Variants in COBLL1 observed in about 807,000 individuals in gnomAD.
COBLL1 encodes cordon-bleu WH2 repeat protein like 1, also known as cordon-bleu protein-like 1.
Under a neutral mutation model 94.8 loss-of-function variants are expected in COBLL1, and 50 were observed. The observed-to-expected ratio is 0.53, with a 90% CI of 0.42 to 0.67. The LOEUF is 0.67. Among genes scored for constraint, COBLL1 ranks in the 30% least tolerant of loss-of-function variants. COBLL1 has a pLI of 0.00. For synonymous variants in COBLL1, 448 were observed against 473.8 expected (o/e 0.95, Z 0.71); for missense variants, 1,362 against 1,348.7 (o/e 1.01, Z -0.15).
chr2:164,758,909 A>G (rs1687545009), intron 2 of COBLL1, among the ~76,000 whole-genome samples: 1 of 152,168 alleles, frequency 6.6e-6, no homozygotes, highest in African/African-American at 2.4e-5. Flanking sequence ...ATATAGAAAA[A>G]AAAGTTCTCC....
chr2:164,736,752 AATC>A (rs1429375760), intron 3 of COBLL1, among the ~76,000 whole-genome samples: 2 of 152,184 alleles, frequency 1.3e-5, no homozygotes, highest in Non-Finnish European at 2.9e-5. Flanking sequence ...GAAAGATGGA[AATC>A]ATTAACTGAA....
intron 2 of COBLL1, among the ~76,000 whole-genome samples, chr2:164,825,052 A>G (rs1159809460): frequency 6.6e-6 from 1 of 152,192 alleles, no homozygotes; most frequent in Non-Finnish European, 1.5e-5. Flanking sequence ...CCTCTTCTGT[A>G]CAATCTGGAT....
chr2:164,796,170 C>G (rs1574604233), intron 2 of COBLL1, among the ~76,000 whole-genome samples: 5 of 152,290 alleles, frequency 3.3e-5, no homozygotes, highest in Admixed American at 3.3e-4. Context: ...GGGCAACTAT[C>G]TTGATCTCCT....
At chr2:164,718,731 C>A (rs1685300618) in intron 7 of COBLL1, among the ~76,000 whole-genome samples, 1 of 152,112 alleles carries the variant, frequency 6.6e-6, no homozygotes, top group Non-Finnish European at 1.5e-5. Context: ...TTATTCTGCG[C>A]TGGCATCTTC....
chr2:164,792,818 G>A (rs568168128), intron 2 of COBLL1, among the ~76,000 whole-genome samples: 6 of 152,096 alleles, frequency 3.9e-5, no homozygotes, highest in South Asian at 2.1e-4. Context: ...CCTCAAACAC[G>A]CCTGTCCTGC....
At chr2:164,748,021 C>A (rs1686954892) in intron 2 of COBLL1, among the ~76,000 whole-genome samples, 1 of 151,988 alleles carries the variant, frequency 6.6e-6, no homozygotes, top group African/African-American at 2.4e-5. Flanking sequence ...CCAGCTGAGA[C>A]CAGCTGTGTG....
intron 2 of COBLL1, among the ~76,000 whole-genome samples, chr2:164,780,376 A>C (rs548668310): frequency 6.6e-5 from 10 of 152,268 alleles, no homozygotes; most frequent in African/African-American, 1.9e-4. Context: ...AATTCCACGT[A>C]ATTCCTCCCT....
Position 164,814,121 on chromosome 2 carries a change from T to C in COBLL1, c.41+27035A>G, listed in dbSNP as rs1229424132. On this transcript the variant is annotated intron_variant, in intron 2 of 13. Coordinates refer to ENST00000652658, the MANE Select transcript of COBLL1 (RefSeq NM_001365672.2). ...ACACTAAAATAATATATAATTTAAATAGATGAATCAGAGTAGTAAGGTAGC... is the reference window on the plus strand; with the variant it reads ...ACACTAAAATAATATATAATTTAAACAGATGAATCAGAGTAGTAAGGTAGC... Among the ~76,000 whole-genome samples the C allele has an allele frequency of 6.6e-5, 10 of 152,260 alleles. No individual in the cohort carries two copies. The East Asian group carries it at 1.5e-3, about 24-fold the overall frequency.
intron 2 of COBLL1, among the ~76,000 whole-genome samples, chr2:164,803,572 AAT>A (rs1443489743): frequency 1.3e-4 from 18 of 135,300 alleles, no homozygotes; most frequent in African/African-American, 2.8e-4. Context: ...CTCAAAAATA[AAT>A]AAATAAATAA....
In COBLL1 at chr2:164,692,242, C is replaced by G. The variant is rs1212341063; in HGVS notation, c.3279G>C (p.Glu1093Asp). 1 of 1,605,110 alleles carries G rather than the reference C, an allele frequency of 6.2e-7. No individual in the cohort carries two copies. The highest frequency in any genetic ancestry group is 1.7e-5 in the Admixed American group (1 of 58,446). ...QSLLTAIRSG[E>D]AAAKLKRVTI... The stretch of plus-strand genomic sequence containing the variant: ...TTACCCTTTTCAATTTGGCAGCAGC[C>G]TCTCCCGAACGGATTGCAGTCAGCA... Residue 1093 changes from glutamate (E) to aspartate (D), a missense_variant, in exon 13 of 14, where the codon GAG becomes GAC. Physicochemically the swap from Glu to Asp is conservative, Grantham distance 45. Transcript: ENST00000652658.
At chr2:164,692,122 C>G (rs936002235) in intron 13 of COBLL1, 99 bp downstream of exon 13, 4 of 1,031,254 alleles carry the variant, frequency 3.9e-6, no homozygotes, top group Admixed American at 3.1e-5. Flanking sequence ...CTTTGGGAAC[C>G]CTATTTAGAT....
At chr2:164,818,429 A>ATGTATACATATACACATATTTACAT (rs1429619679) in intron 2 of COBLL1, among the ~76,000 whole-genome samples, 1 of 149,652 alleles carries the variant, frequency 6.7e-6, no homozygotes, top group Non-Finnish European at 1.5e-5. Flanking sequence ...CAATGTATGC[A>ATGTATACATATACACATATTTACAT]TGTATACATA....
rs374633147 is a variant in COBLL1, at chr2:164,669,062, C to G, written n.127-3161G>C. On this transcript the variant is annotated intron_variant and non_coding_transcript_variant, in intron 1 of 2. Transcript: ENST00000495084. ...GCAATAGCTGAACATAGTTTTCCCC[C>G]CAAAAGTTGACAGCACTGATTGTTT... Among the ~76,000 whole-genome samples the G allele has an allele frequency of 1.6e-4, 24 of 152,308 alleles. No homozygotes were observed. The South Asian group carries it at 4.6e-3, about 29-fold the overall frequency.
intron 7 of COBLL1, among the ~76,000 whole-genome samples, chr2:164,708,377 A>G (rs375274515): frequency 6.6e-6 from 1 of 152,164 alleles, no homozygotes; most frequent in African/African-American, 2.4e-5. Context: ...TGGATTCTCA[A>G]TGGATGTTTG....
chr2:164,720,918 GGATGAGATTTTATAA>G (rs1326588757), intron 7 of COBLL1, among the ~76,000 whole-genome samples: 1 of 152,122 alleles, frequency 6.6e-6, no homozygotes, highest in Non-Finnish European at 1.5e-5. Flanking sequence ...TTGTGAGATT[GGATGAGATTTTATAA>G]GATGAGATTT....
At chr2:164,819,963 T>C (rs1247927934) in intron 2 of COBLL1, among the ~76,000 whole-genome samples, 1 of 151,112 alleles carries the variant, frequency 6.6e-6, no homozygotes, top group East Asian at 2.0e-4. Context: ...GCAGCTGGAA[T>C]TACAGGCATC....
At chr2:164,801,625 TTTTAA>T (rs1362418941) in intron 2 of COBLL1, among the ~76,000 whole-genome samples, 1 of 152,020 alleles carries the variant, frequency 6.6e-6, no homozygotes, top group Non-Finnish European at 1.5e-5. Flanking sequence ...CTCAATTTTT[TTTTAA>T]TTTAATAAAC....
intron 9 of COBLL1, chr2:164,703,788 T>A (rs1372917838): frequency 4.0e-6 from 1 of 252,154 alleles, no homozygotes. Flanking sequence ...TTTGGTATGA[T>A]ATTACTAGTC....
At chr2:164,805,336 T>TATTTATATATATAAATATATATA (rs1559033598) in intron 2 of COBLL1, among the ~76,000 whole-genome samples, 1 of 60,334 alleles carries the variant, frequency 1.7e-5, no homozygotes, top group African/African-American at 6.4e-5. Flanking sequence ...TCTCTCTCTC[T>TATTTATATATATAAATATATATA]CTATATATAT....
Sources: gnomAD v4.1 joint callset for allele counts (sites outside exome capture counted in the v4.1 genomes callset) on GRCh38, gnomAD v4.1.1 for gene constraint, MANE v1.5 for transcripts, NCBI Gene and HGNC (gene_info 2026-07-23, HGNC 2026-07-21) for gene names.